Variants in CSRP2 observed in about 807,000 individuals in gnomAD.
The protein encoded by CSRP2 is cysteine and glycine-rich protein 2.
Under a neutral mutation model 24.6 loss-of-function variants are expected in CSRP2, and 18 were observed. The ratio of observed to expected loss-of-function variants is 0.73; its 90% CI spans 0.51 to 1.09. The LOEUF is 1.09. Among genes scored for constraint, CSRP2 ranks in the 50% least tolerant of loss-of-function variants. The pLI is 0.00. For synonymous variants in CSRP2, 87 were observed against 84.3 expected (o/e 1.03, Z -0.18); for missense variants, 215 against 239.4 (o/e 0.90, Z 0.67).
chr12:76,865,170 T>C (rs937335045), intron 2 of CSRP2, among the ~76,000 whole-genome samples: 1 of 152,240 alleles, frequency 6.6e-6, no homozygotes, highest in Non-Finnish European at 1.5e-5. Flanking sequence ...TACACGCATA[T>C]GTTACTATGG....
intron 1 of CSRP2, among the ~76,000 whole-genome samples, chr12:76,871,947 G>C (rs1011547762): frequency 6.6e-6 from 1 of 150,974 alleles, no homozygotes; most frequent in African/African-American, 2.4e-5. Flanking sequence ...GCCTTTGGCC[G>C]TACTACTCCA....
intron 5 of CSRP2, 141 bp from the exon 6 acceptor site, chr12:76,859,169 T>C: frequency 2.9e-6 from 2 of 689,320 alleles, no homozygotes; most frequent in East Asian, 2.6e-5. Context: ...AAATGTGTCA[T>C]GTACTAAATA....
At position 76,866,229 on chromosome 12, in the gene CSRP2, C is replaced by T. The variant is rs1953734292; in HGVS notation, c.32G>A (p.Gly11Glu). The T allele has an allele frequency of 2.5e-6, 4 of 1,614,128 alleles. No homozygotes were observed. In the East Asian group the frequency reaches 8.9e-5, roughly 36 times the overall value. ...GTGGTACACGGTCCTCCCACAGGCC[C>T]CACACTTGTTTCCACCTCCCCAGAC... MPVWGGGNKC[G>E]ACGRTVYHAE... The change falls in exon 2 of 6, where the codon GGG (glycine) becomes GAG (glutamate). Residue 11 changes from glycine to glutamate, a missense_variant. Coordinates refer to ENST00000311083, the MANE Select transcript of CSRP2 (RefSeq NM_001321.3).
At position 76,866,970 on chromosome 12, in the gene CSRP2, G is replaced by A. The variant is rs572415036; in HGVS notation, c.-1-709C>T. ...AGGCCCACTAGTGCAGCCAGCAGTTGGGTTTTCCTCTTTGGCAAGTCAGTC... is the reference window on the plus strand; with the variant it reads ...AGGCCCACTAGTGCAGCCAGCAGTTAGGTTTTCCTCTTTGGCAAGTCAGTC... On this transcript the variant is annotated intron_variant, in intron 1 of 5. Coordinates refer to ENST00000311083, the MANE Select transcript of CSRP2 (RefSeq NM_001321.3). Among the ~76,000 whole-genome samples, 5 of 152,238 alleles carry A rather than the reference G, an allele frequency of 3.3e-5. 1 individual carries two copies. The South Asian group carries it at 8.3e-4, about 25-fold the overall frequency.
intron 1 of CSRP2, among the ~76,000 whole-genome samples, chr12:76,870,758 C>T (rs1953788184): frequency 6.6e-6 from 1 of 151,052 alleles, no homozygotes; most frequent in Non-Finnish European, 1.5e-5. Context: ...GTAATCCCAA[C>T]ACTTTGGAAT....
chr12:76,861,455 G>A (rs868812984), intron 3 of CSRP2: 8 of 151,432 alleles, frequency 5.3e-5, no homozygotes, highest in African/African-American at 1.9e-4. Context: ...TTGGGGTCAT[G>A]GATAAATCTG....
intron 1 of CSRP2, among the ~76,000 whole-genome samples, chr12:76,866,740 T>C (rs1953739822): frequency 6.6e-6 from 1 of 152,218 alleles, no homozygotes; most frequent in Non-Finnish European, 1.5e-5. Flanking sequence ...GTTTAACATA[T>C]ATAAGCTATA....
intron 3 of CSRP2, chr12:76,862,889 G>A (rs1289231099): frequency 4.6e-6 from 7 of 1,530,424 alleles, no homozygotes; most frequent in Non-Finnish European, 6.1e-6. Context: ...GGTCTCCAAG[G>A]TGCTGTGAAA....
At chr12:76,869,525 AAACAACACACACACACAC>A (rs1953771022) in intron 1 of CSRP2, among the ~76,000 whole-genome samples, 1 of 109,772 alleles carries the variant, frequency 9.1e-6, no homozygotes, top group South Asian at 3.1e-4. Context: ...TCCTTAAAAC[AAACAACACACACACACAC>A]ACACACACAC....
intron 1 of CSRP2, among the ~76,000 whole-genome samples, chr12:76,873,457 C>T (rs764473560): frequency 6.6e-6 from 1 of 152,178 alleles, no homozygotes; most frequent in African/African-American, 2.4e-5. Context: ...TACCACTGAA[C>T]CAAGGATGAA....
chr12:76,872,669 A>C (rs1333369623), intron 1 of CSRP2, among the ~76,000 whole-genome samples: 11 of 152,188 alleles, frequency 7.2e-5, no homozygotes. Context: ...CAATCCCCTA[A>C]GCCCTATGTA....
chr12:76,859,951 A>G (rs929455159), intron 4 of CSRP2, among the ~76,000 whole-genome samples: 9 of 152,314 alleles, frequency 5.9e-5, no homozygotes, highest in African/African-American at 1.9e-4. Flanking sequence ...CCAAATCCAC[A>G]CACTGAATTC....
intron 3 of CSRP2, chr12:76,860,618 A>G (rs1953666540): frequency 4.3e-6 from 2 of 465,934 alleles, no homozygotes; most frequent in Non-Finnish European, 7.5e-6. Flanking sequence ...CTATGGGCTC[A>G]TTATTATTTC....
chr12:76,866,034 A>G, intron 2 of CSRP2, 115 bp downstream of exon 2: 1 of 750,952 alleles, frequency 1.3e-6, no homozygotes, highest in Non-Finnish European at 2.2e-6. Flanking sequence ...GGTAAAAACC[A>G]TTCGTGCTTT....
At chr12:76,870,332 A>G (rs1162469736) in intron 1 of CSRP2, among the ~76,000 whole-genome samples, 1 of 152,252 alleles carries the variant, frequency 6.6e-6, no homozygotes, top group African/African-American at 2.4e-5. Context: ...ATACCATTGA[A>G]GAACAGCCTG....
At chr12:76,871,913 A>G (rs74704693) in intron 1 of CSRP2, among the ~76,000 whole-genome samples, 4 of 151,812 alleles carry the variant, frequency 2.6e-5, no homozygotes, top group Non-Finnish European at 5.9e-5. Context: ...AAAAAAAAAA[A>G]GCAAGTCTTC....
At chr12:76,863,876 CCT>C (rs1487654741) in intron 2 of CSRP2, 4 of 152,218 alleles carry the variant, frequency 2.6e-5, no homozygotes, top group African/African-American at 9.7e-5. Context: ...GCCTCTGTAG[CCT>C]TTCCTCCCCC....
intron 3 of CSRP2, 83 bp from the exon 4 acceptor site, chr12:76,860,496 G>A: frequency 6.6e-7 from 1 of 1,506,448 alleles, no homozygotes; most frequent in African/African-American, 1.4e-5. Context: ...ATAGAACTCT[G>A]GGACTTAACC....
chr12:76,863,009 T>C lies in CSRP2; in HGVS notation c.281+167A>G, dbSNP rs867181662. The C allele has an allele frequency of 5.6e-6, 8 of 1,438,624 alleles. No individual in the cohort carries two copies. In the Middle Eastern group the frequency reaches 7.2e-4, roughly 130 times the overall value. 89.1% of individuals were successfully genotyped at this position (1,438,624 alleles called of 1,614,324 possible). ...CTGGAATTATTAATAAGAACTTTGT[T>C]AGGTCCAAAACTCAATATTTTGAAC... On this transcript the variant is annotated intron_variant, in intron 3 of 5. Coordinates refer to ENST00000311083, the MANE Select transcript of CSRP2 (RefSeq NM_001321.3).
Sources: gnomAD v4.1 joint callset for allele counts (sites outside exome capture counted in the v4.1 genomes callset) on GRCh38, gnomAD v4.1.1 for gene constraint, MANE v1.5 for transcripts, NCBI Gene and HGNC (gene_info 2026-07-23, HGNC 2026-07-21) for gene names.